DAB1: variants seen among roughly 807,000 people sequenced by gnomAD.
DAB1 encodes DAB adaptor protein 1.
In DAB1, 15 loss-of-function variants were observed where a neutral mutation model predicts 64.6. The ratio of observed to expected loss-of-function variants is 0.23; its 90% CI spans 0.16 to 0.36. The LOEUF is 0.36. DAB1 is among the 10% of genes least tolerant of loss of function. DAB1 has a pLI of 1.00. For missense variants in DAB1, 596 were observed against 706.7 expected, an observed-to-expected ratio of 0.84 and a Z score of 1.78; for synonymous variants, 235 against 251.9, an observed-to-expected ratio of 0.93 and a Z score of 0.64.
At chr1:57,906,702 A>G (rs976659788) in intron 5 of DAB1, among the ~76,000 whole-genome samples, 18 of 152,134 alleles carry the variant, frequency 1.2e-4, no homozygotes, top group African/African-American at 4.3e-4. Flanking sequence ...AAGATGAGGG[A>G]AGAGGGTACC....
At chr1:57,483,119 A>C (rs866294215) in intron 7 of DAB1, among the ~76,000 whole-genome samples, 4 of 152,256 alleles carry the variant, frequency 2.6e-5, no homozygotes, top group Non-Finnish European at 5.9e-5. Flanking sequence ...AAAGATGGCA[A>C]GGAAATATGC....
intron 4 of DAB1, among the ~76,000 whole-genome samples, chr1:57,111,766 C>A (rs1216401756): frequency 2.0e-5 from 3 of 152,186 alleles, no homozygotes; most frequent in African/African-American, 7.2e-5. Context: ...TAATAAGGGT[C>A]ATGACTTTGC....
intron 3 of DAB1, among the ~76,000 whole-genome samples, chr1:58,347,466 G>T (rs1027159872): frequency 6.6e-6 from 1 of 152,154 alleles, no homozygotes; most frequent in Non-Finnish European, 1.5e-5. Context: ...GACCTTGGTG[G>T]GAGATTGTCA....
At chr1:57,865,503 A>G (rs1482386488) in intron 1 of DAB1, among the ~76,000 whole-genome samples, 2 of 152,220 alleles carry the variant, frequency 1.3e-5, no homozygotes, top group South Asian at 2.1e-4. Flanking sequence ...CTTGGTGTCA[A>G]TACTCCAGCA....
intron 3 of DAB1, among the ~76,000 whole-genome samples, chr1:58,400,029 T>C (rs1227883154): frequency 6.6e-6 from 1 of 151,954 alleles, no homozygotes; most frequent in Non-Finnish European, 1.5e-5. Context: ...AAATTGAATT[T>C]CTCATAAGAA....
chr1:58,108,719 A>T (rs1358497566), intron 5 of DAB1, among the ~76,000 whole-genome samples: 2 of 152,168 alleles, frequency 1.3e-5, no homozygotes, highest in Non-Finnish European at 2.9e-5. Flanking sequence ...TCAATTAATT[A>T]AAAAAATTTC....
intron 7 of DAB1, among the ~76,000 whole-genome samples, chr1:57,507,098 A>G (rs1021203661): frequency 1.3e-5 from 2 of 152,104 alleles, no homozygotes; most frequent in Non-Finnish European, 2.9e-5. Flanking sequence ...AAAAAACGTA[A>G]TGGCTCCCCA....
intron 7 of DAB1, chr1:57,605,898 G>A (rs771086414): frequency 4.5e-6 from 3 of 670,186 alleles, no homozygotes; most frequent in Admixed American, 3.6e-5. Flanking sequence ...CAGTACTGAT[G>A]GAAGTAATCT....
intron 5 of DAB1, among the ~76,000 whole-genome samples, chr1:58,069,101 T>C (rs1649062606): frequency 6.6e-6 from 1 of 152,244 alleles, no homozygotes; most frequent in South Asian, 2.1e-4. Context: ...AATATGCTCT[T>C]ATGTGCATCA....
intron 1 of DAB1, among the ~76,000 whole-genome samples, chr1:57,361,378 T>C (rs1027588949): frequency 6.6e-6 from 1 of 152,152 alleles, no homozygotes; most frequent in Admixed American, 6.6e-5. Context: ...ACCACATATG[T>C]ATGTAACATC....
chr1:57,389,187 G>A (rs1033387095), intron 1 of DAB1, among the ~76,000 whole-genome samples: 22 of 152,066 alleles, frequency 1.4e-4, no homozygotes, highest in African/African-American at 5.1e-4. Flanking sequence ...TCCTACACCC[G>A]TAAACACACA....
intron 5 of DAB1, among the ~76,000 whole-genome samples, chr1:57,964,729 C>A (rs985921923): frequency 6.6e-6 from 1 of 152,052 alleles, no homozygotes; most frequent in African/African-American, 2.4e-5. Context: ...GCAGAATTTA[C>A]GTCTTAGTTA....
intron 6 of DAB1, among the ~76,000 whole-genome samples, chr1:57,771,231 T>C (rs1649547229): frequency 6.6e-6 from 1 of 152,162 alleles, no homozygotes; most frequent in African/African-American, 2.4e-5. Context: ...GCTGGCTTGC[T>C]TGACTATACC....
chr1:57,501,982 C>T (rs1644293802), intron 7 of DAB1, among the ~76,000 whole-genome samples: 1 of 152,086 alleles, frequency 6.6e-6, no homozygotes, highest in African/African-American at 2.4e-5. Context: ...CCTATCCTCA[C>T]TGTTCTTCTG....
intron 6 of DAB1, among the ~76,000 whole-genome samples, chr1:57,704,093 C>A (rs1486775414): frequency 6.6e-6 from 1 of 152,054 alleles, no homozygotes; most frequent in Non-Finnish European, 1.5e-5. Flanking sequence ...GGGTACTAGG[C>A]TTAATACCTG....
chr1:57,129,560 A>G (rs1657465016), intron 4 of DAB1, among the ~76,000 whole-genome samples: 1 of 152,142 alleles, frequency 6.6e-6, no homozygotes, highest in Non-Finnish European at 1.5e-5. Flanking sequence ...AGGAAAAAGA[A>G]GAGGACACTC....
chr1:57,341,315 C>T (rs1199663642), intron 1 of DAB1, among the ~76,000 whole-genome samples: 1 of 152,180 alleles, frequency 6.6e-6, no homozygotes, highest in Admixed American at 6.5e-5. Flanking sequence ...CTCTATCACA[C>T]AGCTGGGAAG....
At chr1:57,055,633 T>C (rs1312507255) in intron 9 of DAB1, among the ~76,000 whole-genome samples, 1 of 152,184 alleles carries the variant, frequency 6.6e-6, no homozygotes, top group African/African-American at 2.4e-5. Flanking sequence ...GCCCTAAGAC[T>C]CTGGAACGCT....
chr1:57,841,365 G>C (rs1041040665), intron 1 of DAB1, among the ~76,000 whole-genome samples: 3 of 152,162 alleles, frequency 2.0e-5, no homozygotes, highest in African/African-American at 7.2e-5. Flanking sequence ...ACCAGTCTGG[G>C]GTCTGGAGGA....
Sources: gnomAD v4.1 joint callset for allele counts (sites outside exome capture counted in the v4.1 genomes callset) on GRCh38, gnomAD v4.1.1 for gene constraint, MANE v1.5 for transcripts, NCBI Gene and HGNC (gene_info 2026-07-23, HGNC 2026-07-21) for gene names.